AEBP2: variants seen among roughly 807,000 people sequenced by gnomAD.
AEBP2 encodes zinc finger protein AEBP2.
In AEBP2, 10 loss-of-function variants were observed where a neutral mutation model predicts 50.8. The observed-to-expected ratio is 0.20, with a 90% CI of 0.12 to 0.33. The LOEUF (loss-of-function observed/expected upper bound fraction) is 0.33. Ranked by LOEUF, AEBP2 falls within the 10% of genes least tolerant of loss-of-function variation. The probability of loss-of-function intolerance (pLI) is 1.00; values close to 1 mark genes in which losing one functional copy is unlikely to be tolerated. For synonymous variants in AEBP2, 296 were observed against 261.3 expected (o/e 1.13, Z -1.28); for missense variants, 570 against 688.0 (o/e 0.83, Z 1.92).
At chr12:19,516,585 T>A (rs551848976) in intron 7 of AEBP2, among the ~76,000 whole-genome samples, 2 of 152,364 alleles carry the variant, frequency 1.3e-5, no homozygotes, top group South Asian at 4.1e-4. Flanking sequence ...CTTGAACTGA[T>A]GTTCTGAAGT....
intron 1 of AEBP2, among the ~76,000 whole-genome samples, chr12:19,453,590 A>G (rs1948206393): frequency 6.6e-6 from 1 of 150,726 alleles, no homozygotes; most frequent in Non-Finnish European, 1.5e-5. Context: ...TGCCCAGCTA[A>G]TTTTTGTGTT....
chr12:19,475,854 AC>A (rs1948641952), intron 3 of AEBP2, among the ~76,000 whole-genome samples: 1 of 152,018 alleles, frequency 6.6e-6, no homozygotes, highest in African/African-American at 2.4e-5. Context: ...TAATTTGCCC[AC>A]TTTTCGATGG....
intron 3 of AEBP2, among the ~76,000 whole-genome samples, chr12:19,481,092 C>CTTTTTTTGTTTTTTTT (rs1948721535): frequency 1.4e-5 from 1 of 74,050 alleles, no homozygotes; most frequent in South Asian, 6.8e-4. Context: ...GCAGTGCATC[C>CTTTTTTTGTTTTTTTT]TTTTTTTTTT....
rs768455655 is a variant in AEBP2, at chr12:19,518,661, G to T, written c.*544G>T. 2 of 1,468,636 alleles carry T rather than the reference G, an allele frequency of 1.4e-6. No individual in the cohort carries two copies. 91.0% of individuals were successfully genotyped at this position (1,468,636 alleles called of 1,614,324 possible). ...AAATAGATGTGATTGGTTGCCATTT[G>T]TGTTCTTTTGCAGAACTCTGATAAG... On this transcript the variant is annotated 3_prime_UTR_variant, in exon 8 of 8. Transcript: ENST00000266508.
rs73072878 is a variant in AEBP2, at chr12:19,490,166, C to G, written c.988-3634C>G. 3.7e-3 allele frequency among the ~76,000 whole-genome samples: 559 copies of G among 151,824 alleles called. 1 individual carries two copies. Among genetic ancestry groups the G allele is most frequent in the Non-Finnish European group, 5.1e-3 (348 of 67,950 alleles). On this transcript the variant is annotated intron_variant, in intron 3 of 7. Coordinates refer to ENST00000266508, the MANE Select transcript of AEBP2 (RefSeq NM_153207.5). ...ATAAACTCTTGATGGTAACATTACT[C>G]TCTGAGTTCTAGATGCTACTAGGGC...
At chr12:19,491,974 G>T (rs1328367472) in intron 3 of AEBP2, among the ~76,000 whole-genome samples, 2 of 152,008 alleles carry the variant, frequency 1.3e-5, no homozygotes, top group African/African-American at 4.8e-5. Flanking sequence ...ATAAAGGGCT[G>T]TGTTGTGATT....
intron 2 of AEBP2, among the ~76,000 whole-genome samples, chr12:19,473,041 C>T (rs1948593798): frequency 6.6e-6 from 1 of 151,772 alleles, no homozygotes; most frequent in Non-Finnish European, 1.5e-5. Flanking sequence ...GTGTTAATTC[C>T]TTATCGAAGG....
chr12:19,480,099 A>G (rs576260498), intron 3 of AEBP2, among the ~76,000 whole-genome samples: 2 of 150,808 alleles, frequency 1.3e-5, no homozygotes, highest in Non-Finnish European at 3.0e-5. Context: ...TGCTTTAAGG[A>G]GATTCTTTTT....
chr12:19,501,433 A>C (rs886118841), intron 5 of AEBP2, among the ~76,000 whole-genome samples: 1 of 152,104 alleles, frequency 6.6e-6, no homozygotes, highest in African/African-American at 2.4e-5. Flanking sequence ...CTAGGAATTC[A>C]ATACCAGCCT....
chr12:19,506,374 ACAGGCATGAG>A (rs369779288), intron 5 of AEBP2, among the ~76,000 whole-genome samples: 5 of 151,992 alleles, frequency 3.3e-5, no homozygotes, highest in African/African-American at 1.2e-4. Flanking sequence ...TGCTGGGATT[ACAGGCATGAG>A]CCACGGTGCC....
rs958425654 is a variant in AEBP2 at position 19,519,986 on chromosome 12, T to G, written c.*1869T>G. ...AGTGTGTTTTCTTTTTTTGTTGTTT[T>G]CTTTTGCTTAAGCACTTCATCAATT... On this transcript the variant is annotated 3_prime_UTR_variant, in exon 8 of 8. Coordinates refer to ENST00000266508, the MANE Select transcript of AEBP2 (RefSeq NM_153207.5). 5 of 152,572 alleles carry G rather than the reference T, an allele frequency of 3.3e-5. No homozygotes were observed. Among genetic ancestry groups the G allele is most frequent in the Non-Finnish European group, 5.9e-5 (4 of 67,976 alleles). The allele number at this position is 152,572 out of a possible 1,614,324, so 9.5% of individuals were successfully genotyped here.
At chr12:19,500,676 T>G (rs1949054789) in intron 5 of AEBP2, among the ~76,000 whole-genome samples, 1 of 152,150 alleles carries the variant, frequency 6.6e-6, no homozygotes, top group Non-Finnish European at 1.5e-5. Flanking sequence ...AATATAAGAT[T>G]ATATTTGCTA....
chr12:19,505,277 A>G (rs1051302790), intron 5 of AEBP2, among the ~76,000 whole-genome samples: 8 of 152,228 alleles, frequency 5.3e-5, no homozygotes, highest in African/African-American at 1.7e-4. Context: ...TGTTGTCACC[A>G]TGTCCAGAGT....
Position 19,451,586 on chromosome 12 carries a change from G to T in AEBP2, c.672-10924G>T, listed in dbSNP as rs1477674133. 3.9e-5 allele frequency among the ~76,000 whole-genome samples: 6 copies of T among 152,104 alleles called. No homozygotes were observed. The East Asian group carries it at 1.2e-3, about 29-fold the overall frequency. Reference sequence around the variant, plus strand: ...ATCATCACTTCTGCAGTAGTCTCAGGCCTGATTAAATTCAAGGGGAGGTAA... The same window carrying T: ...ATCATCACTTCTGCAGTAGTCTCAGTCCTGATTAAATTCAAGGGGAGGTAA... On this transcript the variant is annotated intron_variant, in intron 1 of 7. Coordinates refer to ENST00000266508, the MANE Select transcript of AEBP2 (RefSeq NM_153207.5).
chr12:19,449,334 C>G (rs2153367690), intron 1 of AEBP2, among the ~76,000 whole-genome samples: 1 of 152,222 alleles, frequency 6.6e-6, no homozygotes, highest in South Asian at 2.1e-4. Flanking sequence ...GTAAAGATAA[C>G]TTCCTTAGTG....
chr12:19,501,957 T>C (rs1347027848), intron 5 of AEBP2, among the ~76,000 whole-genome samples: 1 of 152,094 alleles, frequency 6.6e-6, no homozygotes, highest in Non-Finnish European at 1.5e-5. Context: ...AAAAGTACAG[T>C]GTACCAACTA....
intron 3 of AEBP2, among the ~76,000 whole-genome samples, chr12:19,479,974 T>A (rs763992334): frequency 4.6e-5 from 7 of 152,138 alleles, no homozygotes; most frequent in Non-Finnish European, 1.0e-4. Context: ...GCCATTTACA[T>A]TCGGTGTTAG....
rs368711942 is a variant in AEBP2, at chr12:19,514,707, T to C, written c.1404T>C (p.His468=). 1.2e-5 allele frequency: 19 copies of C among 1,611,074 alleles called. No homozygotes were observed. The African/African-American group carries it at 2.0e-4, about 17-fold the overall frequency. The change falls in exon 7 of 8, where the codon CAT becomes CAC. Residue 468 remains histidine (H), a synonymous_variant. Coordinates refer to ENST00000266508, the MANE Select transcript of AEBP2 (RefSeq NM_153207.5). ...PDVWVNESER[H]QLKTKVVHLS... is the part of the protein sequence containing the mutation. ...TGTGGGTGAATGAAAGTGAACGACA[T>C]CAGTTAAAAACTAAAGTAGTTCATT... is the stretch of plus-strand genomic sequence containing the variant.
intron 1 of AEBP2, among the ~76,000 whole-genome samples, chr12:19,447,298 T>G (rs7297431): frequency 6.6e-6 from 1 of 152,010 alleles, no homozygotes; most frequent in Non-Finnish European, 1.5e-5. Context: ...ACAGGCTGGT[T>G]CCTTGTTAGA....
Sources: gnomAD v4.1 joint callset for allele counts (sites outside exome capture counted in the v4.1 genomes callset) on GRCh38, gnomAD v4.1.1 for gene constraint, MANE v1.5 for transcripts, NCBI Gene and HGNC (gene_info 2026-07-23, HGNC 2026-07-21) for gene names.